Variants in DPP10 observed in about 807,000 individuals in gnomAD.
The protein encoded by DPP10 is inactive dipeptidyl peptidase 10.
DPP10 carries 33 observed loss-of-function variants against 120.9 expected under a neutral mutation model. The observed-to-expected ratio is 0.27, with a 90% confidence interval of 0.21 to 0.37. The LOEUF (loss-of-function observed/expected upper bound fraction) is 0.37, where lower values mean the gene tolerates loss of function less well. DPP10 is among the 10% of genes least tolerant of loss of function. The pLI is 1.00. For synonymous variants in DPP10, 337 were observed against 326.1 expected (o/e 1.03, Z -0.36); for missense variants, 816 against 942.8 (o/e 0.87, Z 1.76).
intron 1 of DPP10, among the ~76,000 whole-genome samples, chr2:115,101,030 C>G (rs1023887828): frequency 4.6e-5 from 7 of 152,142 alleles, no homozygotes; most frequent in Non-Finnish European, 1.0e-4. Flanking sequence ...TGAGCCAACT[C>G]CCCTGTGAAC....
intron 1 of DPP10, among the ~76,000 whole-genome samples, chr2:115,075,047 G>A (rs1573515377): frequency 6.6e-6 from 1 of 152,192 alleles, no homozygotes; most frequent in Non-Finnish European, 1.5e-5. Flanking sequence ...AGAGTGAGAA[G>A]CAGTTATACG....
chr2:114,494,871 T>G (rs982696989), intron 1 of DPP10, among the ~76,000 whole-genome samples: 1 of 152,186 alleles, frequency 6.6e-6, no homozygotes, highest in African/African-American at 2.4e-5. Context: ...GTTTAAGCCA[T>G]GAAAGAAAAG....
At chr2:114,480,176 G>A (rs1573450155) in intron 1 of DPP10, among the ~76,000 whole-genome samples, 1 of 151,578 alleles carries the variant, frequency 6.6e-6, no homozygotes, top group South Asian at 2.1e-4. Context: ...ACACCAGTTA[G>A]AATGGCAATC....
chr2:115,577,579 A>C (rs1156474035), intron 5 of DPP10, among the ~76,000 whole-genome samples: 3 of 152,192 alleles, frequency 2.0e-5, no homozygotes, highest in African/African-American at 7.2e-5. Flanking sequence ...TTCTATAATA[A>C]AGTACTGTCG....
Position 115,483,885 on chromosome 2 carries a change from C to T in DPP10, c.272-15625C>T, listed in dbSNP as rs145594655. ...CAGCAGTGTCAGACTGATCTGCTGC[C>T]AACATGTTTTTCCCCCTCTCAGTAA... On this transcript the variant is annotated intron_variant, in intron 3 of 25. Coordinates refer to ENST00000410059, the MANE Select transcript of DPP10 (RefSeq NM_020868.6). 7.4e-3 allele frequency among the ~76,000 whole-genome samples: 1,123 copies of T among 152,142 alleles called. 6 individuals carry two copies. Among genetic ancestry groups the T allele is most frequent in the African/African-American group, 0.025 (1,028 of 41,504 alleles).
chr2:115,070,561 TA>T (rs1389625001), intron 1 of DPP10, among the ~76,000 whole-genome samples: 2 of 152,164 alleles, frequency 1.3e-5, no homozygotes, highest in Non-Finnish European at 2.9e-5. Context: ...AAAACAGTGT[TA>T]ACTGTCATTG....
At chr2:114,639,419 C>G (rs187040524) in intron 1 of DPP10, among the ~76,000 whole-genome samples, 9 of 151,752 alleles carry the variant, frequency 5.9e-5, no homozygotes, top group Admixed American at 5.9e-4. Context: ...GGGACACAGC[C>G]AAACTATATC....
intron 1 of DPP10, among the ~76,000 whole-genome samples, chr2:114,748,342 T>TCTTTTC (rs1553418183): frequency 3.4e-5 from 4 of 117,144 alleles, no homozygotes; most frequent in African/African-American, 1.4e-4. Context: ...AATTTTCTTT[T>TCTTTTC]TTTTTTTTAT....
rs142371479 is a variant in DPP10 at position 115,808,641 on chromosome 2, A to G, written c.1701-6152A>G. 4.6e-5 allele frequency among the ~76,000 whole-genome samples: 7 copies of G among 152,304 alleles called. No homozygotes were observed. The East Asian group carries it at 1.4e-3, about 29-fold the overall frequency. On this transcript the variant is annotated intron_variant, in intron 19 of 25. Transcript: ENST00000410059. ...TCTAAAGCCACTGGACCTGGGCTCA[A>G]CTCAGTTTGATTTGATCCCCATATC...
At chr2:115,202,602 T>C (rs2055816900) in intron 1 of DPP10, among the ~76,000 whole-genome samples, 1 of 152,224 alleles carries the variant, frequency 6.6e-6, no homozygotes, top group Admixed American at 6.5e-5. Flanking sequence ...CAAAATTGGA[T>C]TCTGCATAGC....
At chr2:115,073,054 A>T (rs1249102866) in intron 1 of DPP10, among the ~76,000 whole-genome samples, 1 of 152,190 alleles carries the variant, frequency 6.6e-6, no homozygotes, top group Non-Finnish European at 1.5e-5. Flanking sequence ...AAGTGCTGGG[A>T]TTACAGGCTT....
At chr2:114,575,554 T>C (rs559118266) in intron 1 of DPP10, among the ~76,000 whole-genome samples, 27 of 152,228 alleles carry the variant, frequency 1.8e-4, no homozygotes, top group Non-Finnish European at 2.9e-4. Flanking sequence ...TAATTTCTCC[T>C]GACACATTAT....
intron 1 of DPP10, among the ~76,000 whole-genome samples, chr2:115,012,706 T>C (rs72611951): frequency 0.11 from 16,196 of 152,144 alleles, 1,169 homozygotes; most frequent in East Asian, 0.34. Flanking sequence ...TTAGATCTTC[T>C]CTCTGACATA....
intron 3 of DPP10, among the ~76,000 whole-genome samples, chr2:115,445,124 C>G (rs1574866000): frequency 6.6e-6 from 1 of 152,330 alleles, no homozygotes; most frequent in East Asian, 1.9e-4. Context: ...GTACTTGCTT[C>G]TCCTTTGCCT....
At chr2:115,311,352 T>C (rs1360257064) in intron 2 of DPP10, among the ~76,000 whole-genome samples, 3 of 152,210 alleles carry the variant, frequency 2.0e-5, no homozygotes, top group Non-Finnish European at 4.4e-5. Flanking sequence ...GCTATTCCTT[T>C]GATGATTGCT....
chr2:114,539,563 C>A (rs909289212), intron 1 of DPP10, among the ~76,000 whole-genome samples: 1 of 152,096 alleles, frequency 6.6e-6, no homozygotes, highest in Non-Finnish European at 1.5e-5. Context: ...GTTCTTGACC[C>A]CTGCTTTCTT....
intron 1 of DPP10, among the ~76,000 whole-genome samples, chr2:114,620,761 C>T (rs1483879183): frequency 1.3e-5 from 2 of 151,990 alleles, no homozygotes; most frequent in Non-Finnish European, 2.9e-5. Context: ...ACTGCAAAAA[C>T]CTTTATCTAT....
intron 1 of DPP10, among the ~76,000 whole-genome samples, chr2:114,689,475 A>G (rs991691587): frequency 1.3e-5 from 2 of 151,856 alleles, no homozygotes; most frequent in Non-Finnish European, 2.9e-5. Context: ...TCCTTATTCA[A>G]TCTATCATTG....
At chr2:115,149,091 T>C (rs2051391414) in intron 1 of DPP10, among the ~76,000 whole-genome samples, 1 of 152,202 alleles carries the variant, frequency 6.6e-6, no homozygotes, top group Admixed American at 6.5e-5. Flanking sequence ...TATATTGATA[T>C]ACTCATGGTG....
Sources: gnomAD v4.1 joint callset for allele counts (sites outside exome capture counted in the v4.1 genomes callset) on GRCh38, gnomAD v4.1.1 for gene constraint, MANE v1.5 for transcripts, NCBI Gene and HGNC (gene_info 2026-07-23, HGNC 2026-07-21) for gene names.